The following NAALADL2 variants were observed in gnomAD, a reference collection of about 807,000 sequenced individuals.
The protein encoded by NAALADL2 is N-acetylated alpha-linked acidic dipeptidase like 2, also known as inactive N-acetylated-alpha-linked acidic dipeptidase-like protein 2.
NAALADL2 carries 76 observed loss-of-function variants against 87.2 expected under a neutral mutation model. The ratio of observed to expected loss-of-function variants is 0.87; its 90% CI spans 0.72 to 1.05. The LOEUF (loss-of-function observed/expected upper bound fraction) is 1.05. Among genes scored for constraint, NAALADL2 ranks in the 50% least tolerant of loss-of-function variants. The probability of loss-of-function intolerance (pLI) is 0.00; values close to 1 mark genes in which losing one functional copy is unlikely to be tolerated. For synonymous variants in NAALADL2, 354 were observed against 331.0 expected (o/e 1.07, Z -0.75); for missense variants, 1,089 against 945.8 (o/e 1.15, Z -1.99).
chr3:174,629,237 T>C (rs1721882029), intron 2 of NAALADL2, among the ~76,000 whole-genome samples: 1 of 152,176 alleles, frequency 6.6e-6, no homozygotes, highest in South Asian at 2.1e-4. Context: ...AGAAGAGTTG[T>C]TTTTAGGGTC....
At chr3:175,573,965 C>G (rs1224513020) in intron 9 of NAALADL2, among the ~76,000 whole-genome samples, 1 of 152,178 alleles carries the variant, frequency 6.6e-6, no homozygotes, top group Non-Finnish European at 1.5e-5. Flanking sequence ...TGTCTGTAAA[C>G]TGAAACCCTG....
intron 10 of NAALADL2, among the ~76,000 whole-genome samples, chr3:175,605,650 T>TTTTTGTTTTG (rs1553931407): frequency 2.7e-5 from 4 of 146,214 alleles, no homozygotes; most frequent in African/African-American, 1.1e-4. Flanking sequence ...GTTTTTTTTT[T>TTTTTGTTTTG]TTTTTTAACT....
chr3:175,214,511 G>C (rs1742221960), intron 2 of NAALADL2, among the ~76,000 whole-genome samples: 1 of 152,080 alleles, frequency 6.6e-6, no homozygotes, highest in Non-Finnish European at 1.5e-5. Flanking sequence ...ATCTATTCAT[G>C]GCTTGTCTGA....
At chr3:174,913,480 A>G (rs1231897002) in intron 1 of NAALADL2, among the ~76,000 whole-genome samples, 3 of 152,150 alleles carry the variant, frequency 2.0e-5, no homozygotes, top group Non-Finnish European at 4.4e-5. Context: ...TTAATGAGTA[A>G]CATGCATTCA....
At chr3:174,746,706 A>G (rs958577592) in intron 3 of NAALADL2, among the ~76,000 whole-genome samples, 2 of 152,206 alleles carry the variant, frequency 1.3e-5, no homozygotes, top group African/African-American at 4.8e-5. Flanking sequence ...AATAACCAAA[A>G]CAGCATGGTA....
chr3:174,565,261 G>A (rs537591267), intron 2 of NAALADL2, among the ~76,000 whole-genome samples: 2 of 152,026 alleles, frequency 1.3e-5, no homozygotes, highest in South Asian at 2.1e-4. Flanking sequence ...ATGACATGTA[G>A]CCACCATTGC....
At chr3:175,408,366 A>G (rs1712825896) in intron 5 of NAALADL2, among the ~76,000 whole-genome samples, 1 of 152,098 alleles carries the variant, frequency 6.6e-6, no homozygotes. Context: ...ACAAAAATCA[A>G]AACATTATTT....
At chr3:174,999,840 T>C (rs895636152) in intron 1 of NAALADL2, among the ~76,000 whole-genome samples, 1 of 152,172 alleles carries the variant, frequency 6.6e-6, no homozygotes, top group African/African-American at 2.4e-5. Flanking sequence ...AACATATATA[T>C]AAAAATTTTG....
At chr3:174,668,781 A>G (rs1213922110) in intron 2 of NAALADL2, among the ~76,000 whole-genome samples, 2 of 152,158 alleles carry the variant, frequency 1.3e-5, no homozygotes, top group Non-Finnish European at 2.9e-5. Flanking sequence ...ATAATATTCC[A>G]TGGTGTATAT....
At chr3:175,702,926 A>AT (rs1213308069) in intron 11 of NAALADL2, among the ~76,000 whole-genome samples, 1 of 152,092 alleles carries the variant, frequency 6.6e-6, no homozygotes, top group East Asian at 1.9e-4. Context: ...GAAAAAAAAA[A>AT]GGAGAGTAGA....
chr3:174,991,659 A>G (rs1464836207), intron 1 of NAALADL2, among the ~76,000 whole-genome samples: 4 of 152,080 alleles, frequency 2.6e-5, no homozygotes, highest in Non-Finnish European at 5.9e-5. Flanking sequence ...ATGCTTCTGT[A>G]TGGAGATGGA....
intron 1 of NAALADL2, among the ~76,000 whole-genome samples, chr3:174,898,692 A>G (rs1167442362): frequency 1.3e-5 from 2 of 152,108 alleles, no homozygotes; most frequent in Non-Finnish European, 2.9e-5. Context: ...TAATGTATGA[A>G]AAAAGACAGT....
chr3:175,209,156 AT>A (rs1741402803), intron 2 of NAALADL2, among the ~76,000 whole-genome samples: 1 of 152,168 alleles, frequency 6.6e-6, no homozygotes, highest in Non-Finnish European at 1.5e-5. Context: ...AAAATAAAAC[AT>A]GTCGTCTGTT....
At chr3:175,719,917 C>G (rs1741990422) in intron 11 of NAALADL2, among the ~76,000 whole-genome samples, 1 of 152,186 alleles carries the variant, frequency 6.6e-6, no homozygotes, top group South Asian at 2.1e-4. Context: ...ATAGAAGAAG[C>G]TAACTTTCTG....
At chr3:174,810,994 CA>C (rs1173725824) in intron 3 of NAALADL2, among the ~76,000 whole-genome samples, 2 of 152,194 alleles carry the variant, frequency 1.3e-5, no homozygotes, top group African/African-American at 2.4e-5. Context: ...TCAGAGGGTG[CA>C]AGCTGTAAGC....
rs71624294 is a variant in NAALADL2 at position 174,826,028 on chromosome 3, A to AAACAACAAC, written c.-9+88298_-9+88306dup. On this transcript the variant is annotated intron_variant, in intron 3 of 3. Transcript: ENST00000434257. ...GGCAGACAGAGCGAGACTCCATCTCAAACAACAACAACAACAACAACAACG... is the reference window on the plus strand; with the variant it reads ...GGCAGACAGAGCGAGACTCCATCTCAAACAACAACAACAACAACAACAACAACAACAACG... Among the ~76,000 whole-genome samples, 110 of 150,572 alleles carry AAACAACAAC rather than the reference A, an allele frequency of 7.3e-4. 1 individual carries two copies. The highest frequency in any genetic ancestry group is 4.4e-3 in the South Asian group (21 of 4,770).
At chr3:175,397,993 G>A (rs887601917) in intron 5 of NAALADL2, among the ~76,000 whole-genome samples, 7 of 152,022 alleles carry the variant, frequency 4.6e-5, no homozygotes, top group African/African-American at 1.7e-4. Flanking sequence ...AAATTGAAGT[G>A]TTGAATTGGA....
In NAALADL2 at chr3:175,786,282, A is replaced by T. The variant is rs1327998688; in HGVS notation, c.2190-16723A>T. ...GATTGGGGAAGTTCTCCTGGATAAT[A>T]TCCTGCAAAGTGTTTTCCAACTTGG... On this transcript the variant is annotated intron_variant, in intron 13 of 13. Transcript: ENST00000454872. 6.9e-4 allele frequency among the ~76,000 whole-genome samples: 105 copies of T among 152,284 alleles called. 1 individual carries two copies. Among genetic ancestry groups the T allele is most frequent in the South Asian group, 2.1e-3 (10 of 4,826 alleles).
At chr3:175,273,458 T>G (rs988146385) in intron 4 of NAALADL2, among the ~76,000 whole-genome samples, 3 of 152,166 alleles carry the variant, frequency 2.0e-5, no homozygotes, top group African/African-American at 4.8e-5. Flanking sequence ...TTTCAATTGC[T>G]ACTCTAGGTT....
Sources: allele counts gnomAD v4.1 joint callset (sites outside exome capture counted in the v4.1 genomes callset), GRCh38; gene constraint gnomAD v4.1.1; transcripts MANE v1.5; gene names NCBI Gene and HGNC (gene_info 2026-07-23, HGNC 2026-07-21).